The following CDYL2 variants were observed in gnomAD, a reference collection of about 807,000 sequenced individuals.
CDYL2 encodes chromodomain Y-like protein 2.
In CDYL2, 23 loss-of-function variants were observed where a neutral mutation model predicts 49.4. The observed-to-expected ratio is 0.47, with a 90% CI of 0.34 to 0.66. The LOEUF is 0.66. CDYL2 is among the 30% of genes least tolerant of loss of function. CDYL2 has a pLI of 0.01. For missense variants in CDYL2, 678 were observed against 656.4 expected, an observed-to-expected ratio of 1.03 and a Z score of -0.36; for synonymous variants, 360 against 268.8, an observed-to-expected ratio of 1.34 and a Z score of -3.32.
chr16:80,787,155 T>A (rs1323278324), intron 1 of CDYL2, among the ~76,000 whole-genome samples: 1 of 152,004 alleles, frequency 6.6e-6, no homozygotes, highest in Non-Finnish European at 1.5e-5. Context: ...CAAGAATAGA[T>A]GACAAAGAGG....
intron 1 of CDYL2, among the ~76,000 whole-genome samples, chr16:80,779,183 A>C (rs577090892): frequency 5.6e-4 from 85 of 152,232 alleles, no homozygotes; most frequent in South Asian, 1.4e-3. Flanking sequence ...ATAAATGTTT[A>C]AATTACTCTC....
intron 1 of CDYL2, among the ~76,000 whole-genome samples, chr16:80,766,656 T>C (rs1174822528): frequency 6.6e-6 from 1 of 152,162 alleles, no homozygotes; most frequent in Non-Finnish European, 1.5e-5. Context: ...GCAGAAATTG[T>C]CTGAGATGAC....
chr16:80,788,855 A>T (rs969999563), intron 1 of CDYL2, among the ~76,000 whole-genome samples: 11 of 152,312 alleles, frequency 7.2e-5, no homozygotes, highest in African/African-American at 2.6e-4. Context: ...CCCTCATCAA[A>T]GGACTAATAC....
intron 2 of CDYL2, among the ~76,000 whole-genome samples, chr16:80,670,525 G>A (rs1369065603): frequency 6.6e-6 from 1 of 152,172 alleles, no homozygotes; most frequent in Non-Finnish European, 1.5e-5. Context: ...AGTCTCGGGT[G>A]TGTCTTCATT....
intron 1 of CDYL2, among the ~76,000 whole-genome samples, chr16:80,764,623 TTAA>T (rs1449162806): frequency 1.3e-5 from 2 of 152,048 alleles, no homozygotes; most frequent in African/African-American, 4.8e-5. Context: ...CTCAGGTATG[TTAA>T]TAAACTGTCA....
intron 1 of CDYL2, among the ~76,000 whole-genome samples, chr16:80,696,564 C>T (rs1431997319): frequency 6.6e-6 from 1 of 151,888 alleles, no homozygotes; most frequent in African/African-American, 2.4e-5. Flanking sequence ...TTCTTAGAGA[C>T]TGTTACAAAC....
intron 1 of CDYL2, among the ~76,000 whole-genome samples, chr16:80,694,016 C>G (rs1910522656): frequency 1.3e-5 from 2 of 152,164 alleles, no homozygotes; most frequent in East Asian, 1.9e-4. Flanking sequence ...TATACAAATA[C>G]TGTATTCTAG....
At chr16:80,631,078 G>T (rs1412842491) in intron 3 of CDYL2, among the ~76,000 whole-genome samples, 1 of 152,180 alleles carries the variant, frequency 6.6e-6, no homozygotes, top group Non-Finnish European at 1.5e-5. Context: ...GCCTGGCACT[G>T]GGATGAACAG....
At chr16:80,611,306 T>C (rs554312056) in intron 5 of CDYL2, among the ~76,000 whole-genome samples, 207 of 152,306 alleles carry the variant, frequency 1.4e-3, no homozygotes, top group African/African-American at 4.7e-3. Flanking sequence ...GGGAGCTGAC[T>C]GGCTAGAGGG....
chr16:80,776,575 T>C (rs1005436894), intron 1 of CDYL2, among the ~76,000 whole-genome samples: 12 of 150,352 alleles, frequency 8.0e-5, no homozygotes, highest in Non-Finnish European at 1.8e-4. Flanking sequence ...ATATATTATA[T>C]ACTGTAATTT....
intron 1 of CDYL2, among the ~76,000 whole-genome samples, chr16:80,694,511 G>A (rs1040964887): frequency 7.9e-5 from 12 of 152,102 alleles, no homozygotes; most frequent in African/African-American, 2.9e-4. Context: ...CTATAAATAA[G>A]CTAAAGGAGA....
chr16:80,770,911 G>T (rs1253932704), intron 1 of CDYL2, among the ~76,000 whole-genome samples: 1 of 152,184 alleles, frequency 6.6e-6, no homozygotes, highest in Non-Finnish European at 1.5e-5. Flanking sequence ...GCCAGGAAAT[G>T]AATCCAGAAT....
At chr16:80,769,343 C>T (rs1411822180) in intron 1 of CDYL2, among the ~76,000 whole-genome samples, 2 of 152,172 alleles carry the variant, frequency 1.3e-5, no homozygotes, top group Non-Finnish European at 2.9e-5. Flanking sequence ...TGCTGAAAGC[C>T]AACATCTATT....
At chr16:80,671,531 A>G (rs1909508236) in intron 2 of CDYL2, among the ~76,000 whole-genome samples, 1 of 152,110 alleles carries the variant, frequency 6.6e-6, no homozygotes, top group African/African-American at 2.4e-5. Flanking sequence ...ACCAGCAAAC[A>G]TGCTCTGGGC....
At chr16:80,782,458 A>G (rs1476193293) in intron 1 of CDYL2, among the ~76,000 whole-genome samples, 1 of 149,064 alleles carries the variant, frequency 6.7e-6, no homozygotes, top group Non-Finnish European at 1.5e-5. Context: ...AAAAGCTAAA[A>G]GGGAGGGTAT....
chr16:80,701,182 C>T (rs552560360), intron 1 of CDYL2, among the ~76,000 whole-genome samples: 24 of 152,322 alleles, frequency 1.6e-4, no homozygotes, highest in African/African-American at 5.8e-4. Flanking sequence ...AAAGTAGAAC[C>T]TCTACATAGA....
chr16:80,726,082 T>C (rs1348151393), intron 1 of CDYL2, among the ~76,000 whole-genome samples: 1 of 152,216 alleles, frequency 6.6e-6, no homozygotes, highest in Non-Finnish European at 1.5e-5. Flanking sequence ...AATTTGCTAA[T>C]CCAGAAAATA....
At chr16:80,656,535 A>T (rs41461644) in intron 2 of CDYL2, among the ~76,000 whole-genome samples, 3,966 of 152,310 alleles carry the variant, frequency 0.026, 142 homozygotes, top group African/African-American at 0.071. Flanking sequence ...CATGCTACAT[A>T]TCTGGAAAAT....
At chr16:80,770,401 C>A (rs957212708) in intron 1 of CDYL2, among the ~76,000 whole-genome samples, 2 of 152,120 alleles carry the variant, frequency 1.3e-5, no homozygotes, top group East Asian at 3.8e-4. Context: ...CTCCTCCACA[C>A]CATGGTTTTC....
Sources: gnomAD v4.1 joint callset for allele counts (sites outside exome capture counted in the v4.1 genomes callset) on GRCh38, gnomAD v4.1.1 for gene constraint, MANE v1.5 for transcripts, NCBI Gene and HGNC (gene_info 2026-07-23, HGNC 2026-07-21) for gene names.